The following ANKS1B variants were observed in gnomAD, a reference collection of about 807,000 sequenced individuals.
ANKS1B encodes ankyrin repeat and sterile alpha motif domain containing 1B, also known as ankyrin repeat and sterile alpha motif domain-containing protein 1B.
In ANKS1B, 36 loss-of-function variants were observed where a neutral mutation model predicts 148.3. The observed-to-expected ratio is 0.24, with a 90% CI of 0.19 to 0.32. The LOEUF is 0.32. ANKS1B is among the 10% of genes least tolerant of loss of function. The pLI is 1.00. For missense variants in ANKS1B, 1,157 were observed against 1,542.6 expected (o/e 0.75, Z 4.19); for synonymous variants, 542 against 560.8 (o/e 0.97, Z 0.47).
chr12:98,976,980 T>C (rs1261879259), intron 17 of ANKS1B, among the ~76,000 whole-genome samples: 1 of 152,216 alleles, frequency 6.6e-6, no homozygotes, highest in African/African-American at 2.4e-5. Context: ...AAGGTTAGAT[T>C]GGAAGGAAGC....
chr12:99,199,104 A>C (rs2081744771), intron 14 of ANKS1B, among the ~76,000 whole-genome samples: 1 of 152,158 alleles, frequency 6.6e-6, no homozygotes. Flanking sequence ...AGCCCCAGAC[A>C]AACTTTCAGA....
chr12:99,539,394 A>G (rs1319931371), intron 9 of ANKS1B, among the ~76,000 whole-genome samples: 1 of 152,206 alleles, frequency 6.6e-6, no homozygotes, highest in Non-Finnish European at 1.5e-5. Context: ...TTTGTATATT[A>G]TTGAAACAAA....
At chr12:98,931,526 A>G (rs2099813668) in intron 17 of ANKS1B, among the ~76,000 whole-genome samples, 1 of 152,182 alleles carries the variant, frequency 6.6e-6, no homozygotes, top group Non-Finnish European at 1.5e-5. Context: ...GTGTTTCTGT[A>G]CACTTCAAAG....
intron 17 of ANKS1B, among the ~76,000 whole-genome samples, chr12:98,904,731 G>C (rs2152800650): frequency 6.6e-6 from 1 of 152,174 alleles, no homozygotes; most frequent in Non-Finnish European, 1.5e-5. Context: ...AGGAACCAAA[G>C]AGAAGTGCAT....
chr12:98,955,902 A>G (rs1489430865), intron 17 of ANKS1B, among the ~76,000 whole-genome samples: 2 of 152,216 alleles, frequency 1.3e-5, no homozygotes, highest in African/African-American at 4.8e-5. Context: ...ATCTTAATCA[A>G]GTGTTTAACT....
intron 14 of ANKS1B, among the ~76,000 whole-genome samples, chr12:99,216,641 T>C (rs2084244606): frequency 6.6e-6 from 1 of 152,188 alleles, no homozygotes; most frequent in South Asian, 2.1e-4. Context: ...GAGTCCAAAA[T>C]CTTAGTAGAG....
chr12:99,045,942 A>T (rs1163520850), intron 17 of ANKS1B, among the ~76,000 whole-genome samples: 1 of 152,206 alleles, frequency 6.6e-6, no homozygotes, highest in African/African-American at 2.4e-5. Flanking sequence ...AGTATTAGAG[A>T]GCAGGGAGTT....
chr12:98,928,748 A>C (rs189568166), intron 17 of ANKS1B, among the ~76,000 whole-genome samples: 2 of 152,144 alleles, frequency 1.3e-5, no homozygotes, highest in East Asian at 1.9e-4. Context: ...CTCTTTTATG[A>C]TAAAAATCAT....
chr12:99,566,076 A>C (rs1290811045), intron 9 of ANKS1B, among the ~76,000 whole-genome samples: 1 of 152,168 alleles, frequency 6.6e-6, no homozygotes, highest in Non-Finnish European at 1.5e-5. Context: ...TCAATGCCAT[A>C]CTTTTGAGTA....
chr12:99,720,010 A>C (rs2057905157), intron 8 of ANKS1B, among the ~76,000 whole-genome samples: 1 of 152,176 alleles, frequency 6.6e-6, no homozygotes, highest in East Asian at 1.9e-4. Context: ...CAAGGAACAT[A>C]TCTCCTTCCA....
intron 17 of ANKS1B, among the ~76,000 whole-genome samples, chr12:98,849,563 A>T (rs566711387): frequency 6.6e-6 from 1 of 152,246 alleles, no homozygotes; most frequent in Non-Finnish European, 1.5e-5. Context: ...TCCTAAAAAA[A>T]GACTGCATTT....
At chr12:98,873,963 G>A (rs1339616857) in intron 17 of ANKS1B, among the ~76,000 whole-genome samples, 1 of 152,192 alleles carries the variant, frequency 6.6e-6, no homozygotes, top group Admixed American at 6.5e-5. Context: ...GCAGAGGCCT[G>A]TCGGCAAGTT....
chr12:99,659,390 G>A (rs2098465046), intron 8 of ANKS1B, among the ~76,000 whole-genome samples: 1 of 118,968 alleles, frequency 8.4e-6, no homozygotes, highest in South Asian at 3.3e-4. Flanking sequence ...AGAAAGATGT[G>A]AAAATTCTAC....
chr12:99,734,741 C>T (rs2059463690), intron 8 of ANKS1B, among the ~76,000 whole-genome samples: 1 of 152,206 alleles, frequency 6.6e-6, no homozygotes, highest in South Asian at 2.1e-4. Flanking sequence ...CTCCAAGTCA[C>T]TCCTTAATAC....
intron 9 of ANKS1B, among the ~76,000 whole-genome samples, chr12:99,550,820 T>G (rs17029596): frequency 0.012 from 1,844 of 152,314 alleles, 54 homozygotes; most frequent in African/African-American, 0.043. Context: ...ATAAAGCTTC[T>G]GTAGATAAAT....
intron 12 of ANKS1B, among the ~76,000 whole-genome samples, chr12:99,358,697 A>ACG: frequency 6.6e-6 from 1 of 152,002 alleles, no homozygotes; most frequent in African/African-American, 2.4e-5. Flanking sequence ...ACACACACAC[A>ACG]CACACACACA....
At chr12:99,866,069 TGTGA>T (rs982303530) in intron 1 of ANKS1B, among the ~76,000 whole-genome samples, 7 of 152,286 alleles carry the variant, frequency 4.6e-5, no homozygotes, top group African/African-American at 1.7e-4. Flanking sequence ...ACAAAACTAT[TGTGA>T]GTATCTTGCT....
rs150280853 is a variant in ANKS1B at position 99,813,546 on chromosome 12, G to T, written c.216-1235C>A. ...CATTTGGAGGAAATTTTAATAGAAG[G>T]AAGATTAGAATTTTGATAGCTCACA... On this transcript the variant is annotated intron_variant, in intron 2 of 26. Coordinates refer to ENST00000683438, the MANE Select transcript of ANKS1B (RefSeq NM_001352186.2). 5.3e-3 allele frequency among the ~76,000 whole-genome samples: 799 copies of T among 151,556 alleles called. 3 individuals are homozygous for T. The highest frequency in any genetic ancestry group is 8.3e-3 in the Non-Finnish European group (564 of 67,644).
intron 9 of ANKS1B, among the ~76,000 whole-genome samples, chr12:99,553,221 A>C (rs1353449288): frequency 3.9e-5 from 6 of 152,218 alleles, no homozygotes; most frequent in African/African-American, 1.4e-4. Flanking sequence ...TAATCAACAA[A>C]AATTTAGCAA....
Sources: gnomAD v4.1 joint callset for allele counts (sites outside exome capture counted in the v4.1 genomes callset) on GRCh38, gnomAD v4.1.1 for gene constraint, MANE v1.5 for transcripts, NCBI Gene and HGNC (gene_info 2026-07-23, HGNC 2026-07-21) for gene names.